FLI1: variants seen among roughly 807,000 people sequenced by gnomAD.
FLI1 encodes the protein Friend leukemia integration 1 transcription factor.
Under a neutral mutation model 53.1 loss-of-function variants are expected in FLI1, and 13 were observed. The observed-to-expected ratio is 0.24, with a 90% CI of 0.16 to 0.39. The LOEUF is 0.39. Ranked by LOEUF, FLI1 falls within the 10% of genes least tolerant of loss-of-function variation. The probability of loss-of-function intolerance (pLI) is 1.00; values close to 1 mark genes in which losing one functional copy is unlikely to be tolerated. For missense variants in FLI1, 424 were observed against 600.5 expected (o/e 0.71, Z 3.07); for synonymous variants, 244 against 236.7 (o/e 1.03, Z -0.28).
chr11:128,691,386 C>A (rs1412165991), upstream of FLI1, among the ~76,000 whole-genome samples: 2 of 152,194 alleles, frequency 1.3e-5, no homozygotes, highest in Non-Finnish European at 2.9e-5. Context: ...CATGCCAACA[C>A]TGGATGGAGG....
chr11:128,778,998 C>G (rs1362535965), intron 4 of FLI1, among the ~76,000 whole-genome samples: 1 of 152,214 alleles, frequency 6.6e-6, no homozygotes, highest in Non-Finnish European at 1.5e-5. Flanking sequence ...GGCAGCCTCT[C>G]CTTCTAGGAG....
chr11:128,708,104 A>C (rs1459730542), intron 1 of FLI1, among the ~76,000 whole-genome samples: 1 of 152,228 alleles, frequency 6.6e-6, no homozygotes, highest in East Asian at 1.9e-4. Context: ...AACTCCTGGG[A>C]AAACAGGGGT....
In FLI1 at chr11:128,809,123, A is replaced by C. The variant is rs182850825; in HGVS notation, c.782-34A>C. The stretch of plus-strand genomic sequence containing the variant: ...GGTACGGTTGTCATATTTTTTAAAA[A>C]CACTGAAGCAAATTTCCTTTTTTAT... On this transcript the variant is annotated intron_variant, in intron 7 of 8. Transcript: ENST00000527786. The C allele has an allele frequency of 1.1e-5, 18 of 1,598,922 alleles. No homozygotes were observed. In the South Asian group the frequency reaches 1.8e-4, roughly 16 times the overall value.
intron 1 of FLI1, among the ~76,000 whole-genome samples, chr11:128,725,208 C>T (rs1042384797): frequency 6.6e-6 from 1 of 152,242 alleles, no homozygotes; most frequent in Non-Finnish European, 1.5e-5. Flanking sequence ...AGATATATGG[C>T]TGCATAGGCA....
Position 128,812,573 on chromosome 11 carries a change from TTGA to T in FLI1, c.*1591_*1593del, listed in dbSNP as rs1942960928. On this transcript the variant is annotated 3_prime_UTR_variant, in exon 9 of 9. Coordinates refer to ENST00000527786, the MANE Select transcript of FLI1 (RefSeq NM_002017.5). The stretch of plus-strand genomic sequence containing the variant: ...AAATCAGTGTGGTTTTTCATTGTTG[TTGA>T]TGATGTTTGTAGTGTTTTTGTGTGT... 1 of 223,686 alleles carries T rather than the reference TTGA, an allele frequency of 4.5e-6. No homozygotes were observed. The highest frequency in any genetic ancestry group is 2.2e-5 in the African/African-American group (1 of 44,896). 13.9% of individuals were successfully genotyped at this position (223,686 alleles called of 1,614,324 possible). A position where few individuals can be genotyped will look rare whatever the true frequency, so the allele number is the denominator to read the frequency against.
chr11:128,741,587 A>G (rs1940141843), intron 1 of FLI1, among the ~76,000 whole-genome samples: 1 of 152,158 alleles, frequency 6.6e-6, no homozygotes, highest in Non-Finnish European at 1.5e-5. Context: ...AGAAAGTGCC[A>G]CAGTCAAGCC....
chr11:128,731,217 T>G (rs1036300563), intron 1 of FLI1, among the ~76,000 whole-genome samples: 4 of 152,250 alleles, frequency 2.6e-5, no homozygotes, highest in African/African-American at 9.6e-5. Context: ...ACATTAGCCA[T>G]GCCCTCTGCT....
chr11:128,757,060 CTTTCTT>C (rs1940906060), intron 1 of FLI1, among the ~76,000 whole-genome samples: 1 of 135,394 alleles, frequency 7.4e-6, no homozygotes, highest in Admixed American at 7.4e-5. Flanking sequence ...TTCTTTCTTT[CTTTCTT>C]TCTTTCTTTC....
chr11:128,737,887 T>C (rs149509543), intron 1 of FLI1, among the ~76,000 whole-genome samples: 1 of 152,314 alleles, frequency 6.6e-6, no homozygotes, highest in Non-Finnish European at 1.5e-5. Context: ...GTAGGATTGC[T>C]TAATCAAAAC....
At chr11:128,786,431 T>C (rs950604295) in intron 5 of FLI1, among the ~76,000 whole-genome samples, 2 of 152,222 alleles carry the variant, frequency 1.3e-5, no homozygotes, top group Non-Finnish European at 1.5e-5. Flanking sequence ...AACTGTACGT[T>C]CGTACATCTC....
intron 5 of FLI1, among the ~76,000 whole-genome samples, chr11:128,790,575 C>T (rs910296845): frequency 2.3e-4 from 35 of 152,156 alleles, no homozygotes; most frequent in African/African-American, 7.2e-4. Flanking sequence ...GTGTGCTGTG[C>T]GAACTGCTAT....
At chr11:128,737,855 A>G (rs1939972803) in intron 1 of FLI1, among the ~76,000 whole-genome samples, 1 of 152,206 alleles carries the variant, frequency 6.6e-6, no homozygotes, top group Non-Finnish European at 1.5e-5. Flanking sequence ...TATAACATCA[A>G]GGGCTTGCTT....
intron 1 of FLI1, among the ~76,000 whole-genome samples, chr11:128,712,923 G>C (rs116913817): frequency 1.4e-3 from 208 of 152,312 alleles, no homozygotes; most frequent in Non-Finnish European, 1.8e-3. Context: ...TGTGGTTTTA[G>C]AATCACTGTG....
Position 128,811,998 on chromosome 11 carries a change from T to C in FLI1, c.*1010T>C. On this transcript the variant is annotated 3_prime_UTR_variant, in exon 9 of 9. Coordinates refer to ENST00000527786, the MANE Select transcript of FLI1 (RefSeq NM_002017.5). ...AATTTGTACATCTTTTTTCAATCTG[T>C]ACATTTGGGCTGTCTGTATGTTTTT... 1 of 204,362 alleles carries C rather than the reference T, an allele frequency of 4.9e-6. No homozygotes were observed. The highest frequency in any genetic ancestry group is 1.0e-5 in the Non-Finnish European group (1 of 99,632). The allele number at this position is 204,362 out of a possible 1,614,324, so 12.7% of individuals were successfully genotyped here. A position where few individuals can be genotyped will look rare whatever the true frequency, so the allele number is the denominator to read the frequency against.
chr11:128,759,851 C>A (rs1311172794), intron 2 of FLI1, among the ~76,000 whole-genome samples: 1 of 152,124 alleles, frequency 6.6e-6, no homozygotes, highest in Non-Finnish European at 1.5e-5. Flanking sequence ...GGAGTCTGAA[C>A]TGTGAAAGTG....
At chr11:128,786,394 T>C (rs554578820) in intron 5 of FLI1, among the ~76,000 whole-genome samples, 1 of 152,362 alleles carries the variant, frequency 6.6e-6, no homozygotes, top group East Asian at 1.9e-4. Context: ...ACTGATTTTA[T>C]TGATGCATGA....
chr11:128,699,019 C>T (rs1233637153), intron 1 of FLI1, among the ~76,000 whole-genome samples: 6 of 152,152 alleles, frequency 3.9e-5, no homozygotes, highest in Non-Finnish European at 8.8e-5. Flanking sequence ...TACCCAGGCC[C>T]TTCTACAGAT....
intron 5 of FLI1, 69 bp downstream of exon 5, chr11:128,782,092 A>G: frequency 7.6e-7 from 1 of 1,311,042 alleles, no homozygotes. Flanking sequence ...CATGCTGTTA[A>G]GGTTGTTGCA....
At chr11:128,765,559 C>A (rs1481957217) in intron 2 of FLI1, among the ~76,000 whole-genome samples, 1 of 152,248 alleles carries the variant, frequency 6.6e-6, no homozygotes, top group African/African-American at 2.4e-5. Context: ...TTCCGAGAGA[C>A]CCCTGCCCAT....
Sources: gnomAD v4.1 joint callset for allele counts (sites outside exome capture counted in the v4.1 genomes callset) on GRCh38, gnomAD v4.1.1 for gene constraint, MANE v1.5 for transcripts, NCBI Gene and HGNC (gene_info 2026-07-23, HGNC 2026-07-21) for gene names.